The following KIRREL3 variants were observed in gnomAD, a reference collection of about 807,000 sequenced individuals.
KIRREL3 encodes the protein kin of IRRE-like protein 3.
Under a neutral mutation model 89.7 loss-of-function variants are expected in KIRREL3, and 36 were observed. The observed-to-expected ratio is 0.40, with a 90% confidence interval of 0.31 to 0.53. The LOEUF (loss-of-function observed/expected upper bound fraction) is 0.53, where lower values mean the gene tolerates loss of function less well. KIRREL3 is among the 20% of genes least tolerant of loss of function. The pLI is 0.49. For missense variants in KIRREL3, 864 were observed against 1,056.6 expected, an observed-to-expected ratio of 0.82 and a Z score of 2.53; for synonymous variants, 445 against 441.4, an observed-to-expected ratio of 1.01 and a Z score of -0.10.
rs637900 is a variant in KIRREL3, at chr11:126,541,564, G to C, written c.134-14877C>G. Among the ~76,000 whole-genome samples, 91,343 of 152,110 alleles carry C rather than the reference G, an allele frequency of 0.6. 28,011 individuals are homozygous for C. The highest frequency in any genetic ancestry group is 0.94 in the East Asian group (4,883 of 5,172). ...TGCTGCTATAGCCTTGTCAGTCAGAGACGGTTCTAAAACTTCCATGTGCAT... is the reference window on the plus strand; with the variant it reads ...TGCTGCTATAGCCTTGTCAGTCAGACACGGTTCTAAAACTTCCATGTGCAT... On this transcript the variant is annotated intron_variant, in intron 2 of 16. Transcript: ENST00000525144. This position sits in a 1 kb window ranked among gnomAD's most constrained non-coding sequence, Gnocchi z 4.8.
chr11:126,571,394 G>T lies in KIRREL3; in HGVS notation c.56-8482C>A, dbSNP rs1296350611. 6.6e-6 allele frequency among the ~76,000 whole-genome samples: 1 copy of T among 152,182 alleles called. No individual in the cohort carries two copies. Among genetic ancestry groups the T allele is most frequent in the Non-Finnish European group, 1.5e-5 (1 of 68,042 alleles). On this transcript the variant is annotated intron_variant, in intron 1 of 16. Transcript: ENST00000525144. This position sits in a 1 kb window ranked among gnomAD's most constrained non-coding sequence, Gnocchi z 7.7. ...CTCTGTACACTGAAAGTGGGACACT[G>T]GTTACTATCTTTGGGGGCTGGGTGC... is the stretch of plus-strand genomic sequence containing the variant.
intron 1 of KIRREL3, among the ~76,000 whole-genome samples, chr11:126,820,006 G>A (rs1297748454): frequency 6.6e-6 from 1 of 152,192 alleles, no homozygotes; most frequent in Non-Finnish European, 1.5e-5. Flanking sequence ...TCTGAAATTT[G>A]AAGTGCTTTC....
chr11:126,867,460 C>A lies in KIRREL3; in HGVS notation c.55+132995G>T, dbSNP rs1944963222. Reference sequence around the variant, plus strand: ...AAAACTCTTTCAAGGACCAACCTAACACCCACTCCATCTGTTACTCTTTCT... The same window carrying A: ...AAAACTCTTTCAAGGACCAACCTAAAACCCACTCCATCTGTTACTCTTTCT... On this transcript the variant is annotated intron_variant, in intron 1 of 16. Coordinates refer to ENST00000525144, the MANE Select transcript of KIRREL3 (RefSeq NM_032531.4). The surrounding 1 kb of genome is among the most constrained non-coding windows in gnomAD (Gnocchi z 4.7). Among the ~76,000 whole-genome samples the A allele has an allele frequency of 6.6e-6, 1 of 152,210 alleles. No individual in the cohort carries two copies. Among genetic ancestry groups the A allele is most frequent in the Non-Finnish European group, 1.5e-5 (1 of 68,042 alleles).
At chr11:126,671,146 C>T (rs1292464172) in intron 1 of KIRREL3, among the ~76,000 whole-genome samples, 1 of 151,918 alleles carries the variant, frequency 6.6e-6, no homozygotes, top group Non-Finnish European at 1.5e-5. Flanking sequence ...ATGAATTATA[C>T]ACCTAGATAT....
At chr11:126,725,328 T>C (rs1948335534) in intron 1 of KIRREL3, among the ~76,000 whole-genome samples, 1 of 110,090 alleles carries the variant, frequency 9.1e-6, no homozygotes, top group African/African-American at 3.4e-5. Flanking sequence ...GAGTGCGCTA[T>C]CAGGAGCGAT....
chr11:126,846,911 G>A (rs1944162233), intron 1 of KIRREL3, among the ~76,000 whole-genome samples: 1 of 152,146 alleles, frequency 6.6e-6, no homozygotes, highest in Non-Finnish European at 1.5e-5. Context: ...CTAAAGTTAA[G>A]GGGGTATTAT....
rs1056645730 is a variant in KIRREL3, at chr11:126,708,158, C to T, written c.56-145246G>A. Among the ~76,000 whole-genome samples, 1 of 152,202 alleles carries T rather than the reference C, an allele frequency of 6.6e-6. No homozygotes were observed. Among genetic ancestry groups the T allele is most frequent in the Non-Finnish European group, 1.5e-5 (1 of 68,036 alleles). On this transcript the variant is annotated intron_variant, in intron 1 of 16. Transcript: ENST00000525144. This position sits in a 1 kb window ranked among gnomAD's most constrained non-coding sequence, Gnocchi z 5.7. ...GACTTTTCCCGTGTGAAAGGACTCC[C>T]TGGTCAGGCGGTATTCATGCCGCCT...
Position 126,983,228 on chromosome 11 carries a change from A to G in KIRREL3, c.55+17227T>C, listed in dbSNP as rs1187817953. 6.6e-6 allele frequency among the ~76,000 whole-genome samples: 1 copy of G among 152,200 alleles called. No individual in the cohort carries two copies. The highest frequency in any genetic ancestry group is 2.4e-5 in the African/African-American group (1 of 41,448). On this transcript the variant is annotated intron_variant, in intron 1 of 16. Transcript: ENST00000525144. This position sits in a 1 kb window ranked among gnomAD's most constrained non-coding sequence, Gnocchi z 4.9. ...TGTACTAAGCACCTATTATTTGATA[A>G]TCCCAATAGATACACACGGGGGAAG...
At chr11:126,630,625 G>A (rs1469658797) in intron 1 of KIRREL3, among the ~76,000 whole-genome samples, 1 of 152,172 alleles carries the variant, frequency 6.6e-6, no homozygotes, top group African/African-American at 2.4e-5. Flanking sequence ...ACCTCTGCCT[G>A]GAGCTGGCCT....
chr11:126,780,291 C>T lies in KIRREL3; in HGVS notation c.56-217379G>A, dbSNP rs919544659. On this transcript the variant is annotated intron_variant, in intron 1 of 16. Transcript: ENST00000525144. The surrounding 1 kb of genome is among the most constrained non-coding windows in gnomAD (Gnocchi z 5.3). ...AGAGCAGCCTATCTTCTTCCGAGTC[C>T]ACTAGAGAAGTGTGGCACAGGAGAG... Among the ~76,000 whole-genome samples the T allele has an allele frequency of 6.6e-6, 1 of 152,148 alleles. No individual in the cohort carries two copies. Among genetic ancestry groups the T allele is most frequent in the African/African-American group, 2.4e-5 (1 of 41,428 alleles).
At position 126,668,724 on chromosome 11, in the gene KIRREL3, T is replaced by C. The variant is rs1945790357; in HGVS notation, c.56-105812A>G. On this transcript the variant is annotated intron_variant, in intron 1 of 16. Transcript: ENST00000525144. This position sits in a 1 kb window ranked among gnomAD's most constrained non-coding sequence, Gnocchi z 4.4. The stretch of plus-strand genomic sequence containing the variant: ...TTCTTTCTTTCTTTCTTTCTTTCTT[T>C]CTTTCTTTCTTTCTTTCTTTCTTTC... Among the ~76,000 whole-genome samples, 1 of 123,164 alleles carries C rather than the reference T, an allele frequency of 8.1e-6. No homozygotes were observed. Among genetic ancestry groups the C allele is most frequent in the African/African-American group, 2.9e-5 (1 of 34,384 alleles). 80.8% of individuals were successfully genotyped at this position (123,164 alleles called of 152,430 possible).
rs78561464 is a variant in KIRREL3 at position 126,897,730 on chromosome 11, C to T, written c.55+102725G>A. Among the ~76,000 whole-genome samples, 4,805 of 152,254 alleles carry T rather than the reference C, an allele frequency of 0.032. 252 individuals are homozygous for T. The highest frequency in any genetic ancestry group is 0.11 in the African/African-American group (4,571 of 41,522). ...TTCATCTCCAGTTTCGGACGAGCAG[C>T]AGTACAACATGCAGCAGCAAAAGCC... On this transcript the variant is annotated intron_variant, in intron 1 of 16. Coordinates refer to ENST00000525144, the MANE Select transcript of KIRREL3 (RefSeq NM_032531.4). This position sits in a 1 kb window ranked among gnomAD's most constrained non-coding sequence, Gnocchi z 4.2.
At chr11:126,716,105 G>C (rs147535484) in intron 1 of KIRREL3, among the ~76,000 whole-genome samples, 182 of 152,054 alleles carry the variant, frequency 1.2e-3, no homozygotes, top group African/African-American at 4.0e-3. Flanking sequence ...AGGAGATGGA[G>C]AGAGTGATAG....
chr11:126,820,322 G>A (rs1043570049), intron 1 of KIRREL3, among the ~76,000 whole-genome samples: 1 of 142,726 alleles, frequency 7.0e-6, no homozygotes, highest in South Asian at 2.3e-4. Flanking sequence ...TAAAAAAAAA[G>A]TAACCAAGAA....
intron 1 of KIRREL3, among the ~76,000 whole-genome samples, chr11:126,826,871 T>G (rs2134470632): frequency 6.6e-6 from 1 of 152,340 alleles, no homozygotes; most frequent in East Asian, 1.9e-4. Context: ...GACATTTAAT[T>G]TCTGACTCTA....
In KIRREL3 at chr11:126,531,769, G is replaced by C. The variant is rs770469465; in HGVS notation, c.134-5082C>G. 6.6e-6 allele frequency among the ~76,000 whole-genome samples: 1 copy of C among 152,270 alleles called. No homozygotes were observed. Among genetic ancestry groups the C allele is most frequent in the Non-Finnish European group, 1.5e-5 (1 of 68,024 alleles). On this transcript the variant is annotated intron_variant, in intron 2 of 16. Transcript: ENST00000525144. This position sits in a 1 kb window ranked among gnomAD's most constrained non-coding sequence, Gnocchi z 4.7. ...CAGATGCTGATGAAACAGAAATAAG[G>C]AAGAAACAGTGTACACTTCTTGAGG...
chr11:126,847,342 C>A (rs944561436), intron 1 of KIRREL3, among the ~76,000 whole-genome samples: 2 of 152,028 alleles, frequency 1.3e-5, no homozygotes, highest in Admixed American at 1.3e-4. Context: ...TCATTGTATG[C>A]CACAGAGGTA....
intron 1 of KIRREL3, among the ~76,000 whole-genome samples, chr11:126,884,760 C>T (rs1315997197): frequency 2.6e-5 from 4 of 151,788 alleles, no homozygotes; most frequent in African/African-American, 9.7e-5. Context: ...TGGAAGTTCT[C>T]AGAAGCAATG....
chr11:126,629,744 A>G (rs571374065), intron 1 of KIRREL3, among the ~76,000 whole-genome samples: 8 of 152,266 alleles, frequency 5.3e-5, no homozygotes, highest in African/African-American at 1.9e-4. Flanking sequence ...TCTTTGTGAG[A>G]TCATCTCAGG....
Sources: gnomAD v4.1 joint callset for allele counts (sites outside exome capture counted in the v4.1 genomes callset) on GRCh38, gnomAD v4.1.1 for gene constraint, Gnocchi (gnomAD v3.1) non-coding constraint, MANE v1.5 for transcripts, NCBI Gene and HGNC (gene_info 2026-07-23, HGNC 2026-07-21) for gene names.